Variants in LCP1 observed in about 807,000 individuals in gnomAD.
The protein encoded by LCP1 is plastin-2.
A neutral mutation model predicts 72.0 loss-of-function variants in LCP1; 23 were observed. The observed-to-expected ratio is 0.32, with a 90% CI of 0.23 to 0.45. The LOEUF (loss-of-function observed/expected upper bound fraction) is 0.45, where lower values mean the gene tolerates loss of function less well. Among genes scored for constraint, LCP1 ranks in the 20% least tolerant of loss-of-function variants. LCP1 has a pLI of 1.00. For synonymous variants in LCP1, 245 were observed against 275.4 expected (o/e 0.89, Z 1.09); for missense variants, 571 against 748.3 (o/e 0.76, Z 2.76).
intron 14 of LCP1, among the ~76,000 whole-genome samples, chr13:46,133,404 T>A (rs2045644974): frequency 6.6e-6 from 1 of 152,136 alleles, no homozygotes; most frequent in South Asian, 2.1e-4. Context: ...AGCAGGAGGA[T>A]CTCTGGAGGC....
intron 5 of LCP1, 130 bp downstream of exon 5, chr13:46,156,308 G>T: frequency 2.0e-6 from 2 of 996,732 alleles, no homozygotes; most frequent in Non-Finnish European, 1.5e-6. Context: ...CTGGCCAAGT[G>T]AAAGTCCAGA....
At chr13:46,141,457 C>G (rs888539038) in intron 13 of LCP1, among the ~76,000 whole-genome samples, 1 of 144,496 alleles carries the variant, frequency 6.9e-6, no homozygotes, top group Non-Finnish European at 1.5e-5. Context: ...AATAAAATTA[C>G]CTAAAACCTG....
intron 1 of LCP1, among the ~76,000 whole-genome samples, chr13:46,177,699 A>C (rs1178428427): frequency 6.6e-6 from 1 of 152,140 alleles, no homozygotes; most frequent in Non-Finnish European, 1.5e-5. Flanking sequence ...ACTCTGTCTC[A>C]AAAAACAAAC....
chr13:46,164,569 T>C (rs2045866232), intron 1 of LCP1, among the ~76,000 whole-genome samples: 1 of 152,180 alleles, frequency 6.6e-6, no homozygotes, highest in South Asian at 2.1e-4. Context: ...GCTTCAGTGA[T>C]TTAACAGCAA....
intron 1 of LCP1, among the ~76,000 whole-genome samples, chr13:46,170,833 A>C (rs930531104): frequency 2.6e-5 from 4 of 152,174 alleles, no homozygotes; most frequent in African/African-American, 9.7e-5. Context: ...GGAGAGAGAC[A>C]CAGTAACTAG....
intron 13 of LCP1, among the ~76,000 whole-genome samples, chr13:46,136,367 C>T (rs1247258138): frequency 1.3e-5 from 2 of 152,166 alleles, no homozygotes; most frequent in African/African-American, 2.4e-5. Context: ...TGGTATCCAC[C>T]GTGTGCCCTC....
At chr13:46,168,568 G>A (rs1016727313) in intron 1 of LCP1, 3 of 152,394 alleles carry the variant, frequency 2.0e-5, no homozygotes, top group Non-Finnish European at 4.4e-5. Flanking sequence ...CACAGATCAG[G>A]GAAGTTCCCA....
rs1208181742 is a variant in LCP1, at chr13:46,142,432, G to A, written c.1369-7C>T. On this transcript the variant is annotated splice_polypyrimidine_tract_variant and splice_region_variant and intron_variant, in intron 12 of 15. Coordinates refer to ENST00000323076, the MANE Select transcript of LCP1 (RefSeq NM_002298.5). The stretch of plus-strand genomic sequence containing the variant: ...CGTAGTTACAATTCTCAAGCTGAAT[G>A]AGCAGAAAGGAAAACGATTTAACGT... The A allele has an allele frequency of 1.2e-6, 2 of 1,612,286 alleles. No individual in the cohort carries two copies. Among genetic ancestry groups the A allele is most frequent in the African/African-American group, 2.7e-5 (2 of 74,864 alleles).
At chr13:46,160,354 C>A (rs1285622301) in intron 1 of LCP1, among the ~76,000 whole-genome samples, 1 of 152,192 alleles carries the variant, frequency 6.6e-6, no homozygotes, top group African/African-American at 2.4e-5. Context: ...TAAGTCACTA[C>A]GTTTTAGAGT....
At chr13:46,174,227 G>GA (rs1390570620) in intron 1 of LCP1, among the ~76,000 whole-genome samples, 1 of 151,992 alleles carries the variant, frequency 6.6e-6, no homozygotes, top group Non-Finnish European at 1.5e-5. Context: ...CTTATTTGCA[G>GA]AAAAAAACAA....
intron 14 of LCP1, among the ~76,000 whole-genome samples, chr13:46,133,732 G>A (rs75131419): frequency 0.014 from 2,127 of 152,014 alleles, 47 homozygotes; most frequent in African/African-American, 0.047. Flanking sequence ...GAAACTAGGT[G>A]AATGGGGAGG....
intron 13 of LCP1, among the ~76,000 whole-genome samples, chr13:46,135,601 T>C (rs2045660133): frequency 6.6e-6 from 1 of 152,192 alleles, no homozygotes; most frequent in African/African-American, 2.4e-5. Flanking sequence ...TGTGCAACTT[T>C]TCTTTATCAA....
intron 1 of LCP1, among the ~76,000 whole-genome samples, chr13:46,165,086 CAT>C (rs752513820): frequency 4.6e-4 from 70 of 152,282 alleles, no homozygotes; most frequent in Middle Eastern, 3.4e-3. Flanking sequence ...TTAAGAAAGA[CAT>C]TGAGCCAGGT....
intron 1 of LCP1, among the ~76,000 whole-genome samples, chr13:46,176,902 TGAGAGAGC>T (rs2045933774): frequency 6.6e-6 from 1 of 150,756 alleles, no homozygotes; most frequent in Non-Finnish European, 1.5e-5. Flanking sequence ...TGTGTGTGTG[TGAGAGAGC>T]GAGAGAGAGA....
chr13:46,137,977 CCCATCCTGACTTCA>C (rs1311124780), intron 13 of LCP1, among the ~76,000 whole-genome samples: 2 of 152,182 alleles, frequency 1.3e-5, no homozygotes, highest in African/African-American at 4.8e-5. Context: ...TTTTCAAGGA[CCCATCCTGACTTCA>C]CCATCCACAG....
At chr13:46,177,806 A>G (rs2045938757) in intron 1 of LCP1, among the ~76,000 whole-genome samples, 1 of 152,112 alleles carries the variant, frequency 6.6e-6, no homozygotes, top group Non-Finnish European at 1.5e-5. Flanking sequence ...TTAACAACCA[A>G]CTTCTACTCA....
intron 12 of LCP1, 142 bp downstream of exon 12, chr13:46,143,148 A>C: frequency 1.7e-6 from 1 of 592,026 alleles, no homozygotes; most frequent in Admixed American, 3.2e-5. Flanking sequence ...AAAGCTGTTC[A>C]GGTTTCTGAT....
chr13:46,130,996 C>A, intron 14 of LCP1, 58 bp from the exon 15 acceptor site: 1 of 1,508,896 alleles, frequency 6.6e-7, no homozygotes, highest in Non-Finnish European at 8.8e-7. Context: ...TCCCATTCAG[C>A]TCAAAGGAAG....
At chr13:46,128,979 A>G (rs2045617956) in intron 15 of LCP1, among the ~76,000 whole-genome samples, 1 of 152,094 alleles carries the variant, frequency 6.6e-6, no homozygotes, top group Admixed American at 6.5e-5. Context: ...TTATTGATCA[A>G]ATTAAATTAA....
Sources: gnomAD v4.1 joint callset for allele counts (sites outside exome capture counted in the v4.1 genomes callset) on GRCh38, gnomAD v4.1.1 for gene constraint, MANE v1.5 for transcripts, NCBI Gene and HGNC (gene_info 2026-07-23, HGNC 2026-07-21) for gene names.